Variants in EBF1 observed in about 807,000 individuals in gnomAD.
EBF1 encodes the protein transcription factor COE1.
Under a neutral mutation model 68.4 loss-of-function variants are expected in EBF1, and 10 were observed. The observed-to-expected ratio is 0.15, with a 90% CI of 0.09 to 0.25. The LOEUF (loss-of-function observed/expected upper bound fraction) is 0.25. Ranked by LOEUF, EBF1 falls within the 10% of genes least tolerant of loss-of-function variation. EBF1 has a pLI of 1.00. For missense variants in EBF1, 509 were observed against 794.4 expected, an observed-to-expected ratio of 0.64 and a Z score of 4.32; for synonymous variants, 298 against 299.8, an observed-to-expected ratio of 0.99 and a Z score of 0.06.
At chr5:159,074,810 C>G (rs544028412) in intron 5 of EBF1, among the ~76,000 whole-genome samples, 17 of 152,282 alleles carry the variant, frequency 1.1e-4, no homozygotes, top group Admixed American at 3.9e-4. Context: ...TACCTTATAG[C>G]CTTTCACCTT....
rs192662319 is a variant in EBF1 at position 158,763,183 on chromosome 5, T to C, written c.1036+14230A>G. On this transcript the variant is annotated intron_variant, in intron 10 of 15. Coordinates refer to ENST00000313708, the MANE Select transcript of EBF1 (RefSeq NM_024007.5). ...CAGGGGACTGAGGCACAAAGGAGGG[T>C]CCACAGACATTTTGTGGCCAAGAGG... Among the ~76,000 whole-genome samples, 45 of 152,136 alleles carry C rather than the reference T, an allele frequency of 3.0e-4. 2 individuals carry two copies. The highest frequency in any genetic ancestry group is 2.9e-3 in the Admixed American group (44 of 15,280).
intron 6 of EBF1, among the ~76,000 whole-genome samples, chr5:158,924,648 C>T (rs6892285): frequency 0.45 from 68,623 of 151,520 alleles, 16,052 homozygotes; most frequent in South Asian, 0.66. Context: ...GTCACGAGAT[C>T]GAGACCATAC....
intron 7 of EBF1, among the ~76,000 whole-genome samples, chr5:158,832,593 T>C (rs937242116): frequency 7.9e-5 from 12 of 152,128 alleles, no homozygotes; most frequent in Non-Finnish European, 1.5e-4. Context: ...TATAAGTACA[T>C]CCAAGACAGG....
intron 6 of EBF1, among the ~76,000 whole-genome samples, chr5:158,992,899 G>A (rs1760636501): frequency 7.1e-6 from 1 of 140,982 alleles, no homozygotes; most frequent in Admixed American, 7.1e-5. Context: ...GGTATATTAA[G>A]AGCCCTGCTG....
At chr5:158,903,385 C>T (rs182510006) in intron 6 of EBF1, among the ~76,000 whole-genome samples, 1 of 152,180 alleles carries the variant, frequency 6.6e-6, no homozygotes, top group East Asian at 1.9e-4. Context: ...CAGCCAACTT[C>T]AATTAATAGT....
At chr5:159,072,790 T>G (rs932291297) in intron 6 of EBF1, among the ~76,000 whole-genome samples, 2 of 152,228 alleles carry the variant, frequency 1.3e-5, no homozygotes, top group Non-Finnish European at 1.5e-5. Flanking sequence ...GTGATTTACT[T>G]GGTCATGTCA....
intron 15 of EBF1, among the ~76,000 whole-genome samples, chr5:158,701,759 C>CATG (rs759031495): frequency 1.3e-5 from 2 of 152,202 alleles, no homozygotes; most frequent in Non-Finnish European, 2.9e-5. Flanking sequence ...CAAGTTTATA[C>CATG]ATGATAGCAC....
At chr5:158,856,554 G>C (rs1028443578) in intron 6 of EBF1, among the ~76,000 whole-genome samples, 1 of 152,138 alleles carries the variant, frequency 6.6e-6, no homozygotes, top group Non-Finnish European at 1.5e-5. Flanking sequence ...CTCCAAAGTA[G>C]CCTAACTGAA....
intron 6 of EBF1, among the ~76,000 whole-genome samples, chr5:159,069,753 T>C (rs1479901417): frequency 6.6e-6 from 1 of 152,164 alleles, no homozygotes; most frequent in Admixed American, 6.5e-5. Context: ...CCTCCCTCAT[T>C]AGTCTTCCAG....
chr5:158,941,634 A>G (rs939421417), intron 6 of EBF1, among the ~76,000 whole-genome samples: 1 of 152,226 alleles, frequency 6.6e-6, no homozygotes, highest in Non-Finnish European at 1.5e-5. Context: ...TGGTTGCTAT[A>G]TATCTTGGAA....
intron 6 of EBF1, among the ~76,000 whole-genome samples, chr5:159,070,647 T>C (rs1777636409): frequency 6.6e-6 from 1 of 152,108 alleles, no homozygotes; most frequent in Admixed American, 6.6e-5. Flanking sequence ...TCTCCCAAAT[T>C]CCGAAGGACA....
chr5:158,943,992 A>G (rs529404388), intron 6 of EBF1, among the ~76,000 whole-genome samples: 1 of 152,368 alleles, frequency 6.6e-6, no homozygotes, highest in East Asian at 1.9e-4. Flanking sequence ...ACTTCCCATC[A>G]AAGCACTCCA....
intron 7 of EBF1, among the ~76,000 whole-genome samples, chr5:158,838,104 G>T (rs1789250132): frequency 6.6e-6 from 1 of 152,128 alleles, no homozygotes; most frequent in African/African-American, 2.4e-5. Flanking sequence ...AGAACACCAA[G>T]TTTGAAGTCA....
chr5:158,908,269 AAT>A (rs924192427), intron 6 of EBF1, among the ~76,000 whole-genome samples: 2 of 152,196 alleles, frequency 1.3e-5, no homozygotes, highest in African/African-American at 4.8e-5. Flanking sequence ...GCACAAACTA[AAT>A]ATCTTTGTAT....
intron 10 of EBF1, among the ~76,000 whole-genome samples, chr5:158,739,063 A>G (rs1765769749): frequency 6.6e-6 from 1 of 152,172 alleles, no homozygotes; most frequent in South Asian, 2.1e-4. Context: ...TTTTCTGTCC[A>G]TCAGGTTCTT....
chr5:159,000,156 C>T (rs1472810653), intron 6 of EBF1, among the ~76,000 whole-genome samples: 1 of 152,150 alleles, frequency 6.6e-6, no homozygotes, highest in African/African-American at 2.4e-5. Context: ...TATTCTTCTC[C>T]ATCACACACT....
intron 8 of EBF1, among the ~76,000 whole-genome samples, chr5:158,814,115 G>A (rs551259419): frequency 2.6e-5 from 4 of 152,194 alleles, no homozygotes; most frequent in African/African-American, 4.8e-5. Flanking sequence ...GGAGACCAAG[G>A]GGATGTAATT....
At chr5:158,748,370 G>A (rs887468083) in intron 10 of EBF1, among the ~76,000 whole-genome samples, 5 of 152,144 alleles carry the variant, frequency 3.3e-5, no homozygotes, top group Non-Finnish European at 5.9e-5. Context: ...AGGTAGCTCC[G>A]GATAACACGG....
intron 6 of EBF1, 39 bp downstream of exon 6, chr5:159,073,357 T>A (rs1473485246): frequency 6.2e-7 from 1 of 1,602,726 alleles, no homozygotes. Flanking sequence ...TTCATTATAA[T>A]GAGGAATAAG....
Sources: gnomAD v4.1 joint callset for allele counts (sites outside exome capture counted in the v4.1 genomes callset) on GRCh38, gnomAD v4.1.1 for gene constraint, MANE v1.5 for transcripts, NCBI Gene and HGNC (gene_info 2026-07-23, HGNC 2026-07-21) for gene names.